Variants in CAMTA1 observed in about 807,000 individuals in gnomAD.
The protein encoded by CAMTA1 is calmodulin-binding transcription activator 1.
Under a neutral mutation model 170.9 loss-of-function variants are expected in CAMTA1, and 27 were observed. That is an observed-to-expected ratio of 0.16 (90% confidence interval 0.12 to 0.22). The LOEUF is 0.22. Among genes scored for constraint, CAMTA1 ranks in the 10% least tolerant of loss-of-function variants. CAMTA1 has a pLI of 1.00. For missense variants in CAMTA1, 1,619 were observed against 2,217.2 expected (o/e 0.73, Z 5.42); for synonymous variants, 833 against 891.5 (o/e 0.93, Z 1.17).
intron 3 of CAMTA1, among the ~76,000 whole-genome samples, chr1:7,028,252 G>C (rs942568847): frequency 1.3e-5 from 2 of 152,152 alleles, no homozygotes; most frequent in Non-Finnish European, 2.9e-5. Context: ...CAAGTTTATG[G>C]CAGAAACTAA....
chr1:6,984,756 G>A (rs1695077157), intron 3 of CAMTA1, among the ~76,000 whole-genome samples: 1 of 152,198 alleles, frequency 6.6e-6, no homozygotes, highest in Non-Finnish European at 1.5e-5. Flanking sequence ...TCTTTCCTCA[G>A]CTGCCGATGG....
At chr1:7,495,333 CTG>C (rs1256296989) in intron 6 of CAMTA1, among the ~76,000 whole-genome samples, 1 of 152,108 alleles carries the variant, frequency 6.6e-6, no homozygotes, top group Non-Finnish European at 1.5e-5. Context: ...ATTCCCGCAG[CTG>C]TGTTCTGGGG....
At chr1:7,289,326 A>G (rs1204846232) in intron 5 of CAMTA1, among the ~76,000 whole-genome samples, 1 of 152,138 alleles carries the variant, frequency 6.6e-6, no homozygotes, top group Non-Finnish European at 1.5e-5. Flanking sequence ...AGGAGGGGTG[A>G]GAATGAAAAA....
chr1:6,976,543 T>C (rs1445008730), intron 3 of CAMTA1, among the ~76,000 whole-genome samples: 1 of 152,106 alleles, frequency 6.6e-6, no homozygotes, highest in Non-Finnish European at 1.5e-5. Flanking sequence ...AGAGAGCAGA[T>C]CCACGTGAAA....
chr1:7,713,795 T>G (rs911904246), intron 11 of CAMTA1, among the ~76,000 whole-genome samples: 2 of 152,202 alleles, frequency 1.3e-5, no homozygotes, highest in African/African-American at 2.4e-5. Context: ...TCACAGCCTT[T>G]ATAATTGTCA....
At chr1:7,271,265 G>C (rs1296105681) in intron 5 of CAMTA1, among the ~76,000 whole-genome samples, 1 of 152,152 alleles carries the variant, frequency 6.6e-6, no homozygotes, top group Non-Finnish European at 1.5e-5. Flanking sequence ...GATGTAACAA[G>C]AAGCTCGCCA....
chr1:6,872,229 A>T (rs1205046934), intron 3 of CAMTA1, among the ~76,000 whole-genome samples: 1 of 140,612 alleles, frequency 7.1e-6, no homozygotes, highest in East Asian at 2.1e-4. Flanking sequence ...ATACACCCTC[A>T]CCATCACCAC....
At chr1:7,521,067 A>C (rs2094359227) in intron 6 of CAMTA1, among the ~76,000 whole-genome samples, 1 of 152,186 alleles carries the variant, frequency 6.6e-6, no homozygotes, top group Non-Finnish European at 1.5e-5. Context: ...AGAAAAATAA[A>C]AAAAATGTGG....
chr1:6,859,258 C>G (rs985846365), intron 3 of CAMTA1, among the ~76,000 whole-genome samples: 1 of 152,096 alleles, frequency 6.6e-6, no homozygotes, highest in East Asian at 1.9e-4. Context: ...TACAGCTTCC[C>G]TGTTTTTTCC....
At chr1:7,366,605 A>G (rs1475241068) in intron 5 of CAMTA1, among the ~76,000 whole-genome samples, 1 of 152,242 alleles carries the variant, frequency 6.6e-6, no homozygotes, top group East Asian at 1.9e-4. Context: ...TAATGATAAC[A>G]TTGAGCTCTT....
intron 6 of CAMTA1, among the ~76,000 whole-genome samples, chr1:7,488,608 T>C (rs77503958): frequency 0.021 from 3,195 of 152,224 alleles, 113 homozygotes; most frequent in African/African-American, 0.074. Flanking sequence ...GCATGATACA[T>C]GTAACACATA....
intron 6 of CAMTA1, among the ~76,000 whole-genome samples, chr1:7,512,333 G>T (rs900504434): frequency 5.1e-4 from 78 of 152,192 alleles, no homozygotes; most frequent in African/African-American, 1.8e-3. Context: ...AGCCAGACAA[G>T]GCCTGTAAGG....
intron 3 of CAMTA1, among the ~76,000 whole-genome samples, chr1:6,928,391 G>A (rs1683744279): frequency 6.6e-6 from 1 of 152,206 alleles, no homozygotes; most frequent in Non-Finnish European, 1.5e-5. Flanking sequence ...AGAGAATCGG[G>A]TGTTCAGTGC....
At chr1:6,872,644 A>G (rs1159220302) in intron 3 of CAMTA1, among the ~76,000 whole-genome samples, 2 of 152,226 alleles carry the variant, frequency 1.3e-5, no homozygotes, top group African/African-American at 2.4e-5. Context: ...TTTTCAAACA[A>G]TGCATTTTTA....
rs1272822735 is a variant in CAMTA1 at position 7,248,353 on chromosome 1, C to A, written c.303-1138C>A. 1.3e-5 allele frequency among the ~76,000 whole-genome samples: 2 copies of A among 152,220 alleles called. No individual in the cohort carries two copies. Among genetic ancestry groups the A allele is most frequent in the African/African-American group, 4.8e-5 (2 of 41,458 alleles). On this transcript the variant is annotated intron_variant, in intron 4 of 22. Coordinates refer to ENST00000303635, the MANE Select transcript of CAMTA1 (RefSeq NM_015215.4). The surrounding 1 kb of genome is among the most constrained non-coding windows in gnomAD (Gnocchi z 4.0). Reference sequence around the variant, plus strand: ...CATACAAGCCAGGCTGAAGAAGCCCCACTTCATTTGCCTTATTTGTGTAAA... The same window carrying A: ...CATACAAGCCAGGCTGAAGAAGCCCAACTTCATTTGCCTTATTTGTGTAAA...
intron 5 of CAMTA1, among the ~76,000 whole-genome samples, chr1:7,252,802 G>A (rs1408191427): frequency 6.6e-6 from 1 of 152,158 alleles, no homozygotes; most frequent in Non-Finnish European, 1.5e-5. Flanking sequence ...AAGATATTTG[G>A]ATCTACCGTT....
At chr1:7,717,213 C>T (rs1169711785) in intron 11 of CAMTA1, among the ~76,000 whole-genome samples, 2 of 151,942 alleles carry the variant, frequency 1.3e-5, no homozygotes, top group South Asian at 2.1e-4. Context: ...CCTGGTGACT[C>T]GAGTTCATCA....
chr1:7,293,589 G>C lies in CAMTA1; in HGVS notation c.438+43963G>C, dbSNP rs1673476919. On this transcript the variant is annotated intron_variant, in intron 5 of 22. Transcript: ENST00000303635. This position sits in a 1 kb window ranked among gnomAD's most constrained non-coding sequence, Gnocchi z 4.1. ...TTATCACTACAGTTTGTATAATTTG[G>C]TGGTCTGTTTTCATCTTTTACAAGC... 6.6e-6 allele frequency among the ~76,000 whole-genome samples: 1 copy of C among 152,176 alleles called. No individual in the cohort carries two copies. The highest frequency in any genetic ancestry group is 2.1e-4 in the South Asian group (1 of 4,824).
intron 6 of CAMTA1, among the ~76,000 whole-genome samples, chr1:7,528,080 T>A (rs1037758558): frequency 2.1e-4 from 32 of 152,252 alleles, no homozygotes; most frequent in African/African-American, 7.5e-4. Flanking sequence ...CAGACAAAGG[T>A]GCCTGTGGCT....
Sources: gnomAD v4.1 joint callset for allele counts (sites outside exome capture counted in the v4.1 genomes callset) on GRCh38, gnomAD v4.1.1 for gene constraint, Gnocchi (gnomAD v3.1) non-coding constraint, MANE v1.5 for transcripts, NCBI Gene and HGNC (gene_info 2026-07-23, HGNC 2026-07-21) for gene names.